MAP2K5: variants seen among roughly 807,000 people sequenced by gnomAD.
MAP2K5 encodes dual specificity mitogen-activated protein kinase kinase 5.
A neutral mutation model predicts 83.1 loss-of-function variants in MAP2K5; 49 were observed. The observed-to-expected ratio is 0.59, with a 90% confidence interval of 0.47 to 0.75. The LOEUF is 0.75. Among genes scored for constraint, MAP2K5 ranks in the 30% least tolerant of loss-of-function variants. The probability of loss-of-function intolerance (pLI) is 0.00; values close to 1 mark genes in which losing one functional copy is unlikely to be tolerated. For synonymous variants in MAP2K5, 202 were observed against 191.8 expected (o/e 1.05, Z -0.44); for missense variants, 457 against 557.5 (o/e 0.82, Z 1.82).
chr15:67,687,450 T>C (rs1315838606), intron 13 of MAP2K5, among the ~76,000 whole-genome samples: 1 of 152,208 alleles, frequency 6.6e-6, no homozygotes, highest in African/African-American at 2.4e-5. Flanking sequence ...TAAAATCGCA[T>C]GAACAGTATT....
intron 4 of MAP2K5, among the ~76,000 whole-genome samples, chr15:67,584,395 G>T (rs1268760555): frequency 6.6e-6 from 1 of 152,188 alleles, no homozygotes; most frequent in Non-Finnish European, 1.5e-5. Flanking sequence ...GCTTACTTCA[G>T]TGGAAATATT....
At chr15:67,800,227 G>T (rs1400810425) in intron 21 of MAP2K5, among the ~76,000 whole-genome samples, 2 of 152,222 alleles carry the variant, frequency 1.3e-5, no homozygotes, top group African/African-American at 4.8e-5. Flanking sequence ...CCGGGGATTA[G>T]ATTGGTAGCT....
intron 21 of MAP2K5, among the ~76,000 whole-genome samples, chr15:67,798,986 C>T (rs547715800): frequency 6.8e-4 from 103 of 152,234 alleles, no homozygotes; most frequent in Middle Eastern, 3.4e-3. Flanking sequence ...CTGACCAACA[C>T]GGTGAAACCC....
chr15:67,566,509 C>T (rs958247026), intron 3 of MAP2K5, among the ~76,000 whole-genome samples: 3 of 152,154 alleles, frequency 2.0e-5, no homozygotes, highest in African/African-American at 7.2e-5. Flanking sequence ...GAATTCAGTA[C>T]ACCTGTGGTC....
At chr15:67,745,579 C>T (rs984686291) in intron 17 of MAP2K5, among the ~76,000 whole-genome samples, 11 of 151,992 alleles carry the variant, frequency 7.2e-5, no homozygotes, top group African/African-American at 2.2e-4. Flanking sequence ...TAAATACAGC[C>T]GAGTACATGG....
intron 16 of MAP2K5, among the ~76,000 whole-genome samples, chr15:67,726,511 G>GA (rs2089099879): frequency 6.6e-6 from 1 of 152,182 alleles, no homozygotes; most frequent in African/African-American, 2.4e-5. Context: ...TCTGTTAATT[G>GA]AAATAATTCT....
chr15:67,701,496 T>C (rs1236627850), intron 15 of MAP2K5, among the ~76,000 whole-genome samples: 1 of 152,176 alleles, frequency 6.6e-6, no homozygotes. Context: ...TTTAATGAAG[T>C]ACAGAAGCAG....
In MAP2K5 at chr15:67,638,028, AT is replaced by A. The variant is rs1164069818; in HGVS notation, c.585+7107del. On this transcript the variant is annotated intron_variant, in intron 9 of 21. Transcript: ENST00000178640. This position sits in a 1 kb window ranked among gnomAD's most constrained non-coding sequence, Gnocchi z 4.5. ...TTTTTTTAACTTTTTTTTACTTTTA[AT>A]TTTTTAAAAATTAAAAAAGTTAATT... Among the ~76,000 whole-genome samples, 6 of 148,102 alleles carry A rather than the reference AT, an allele frequency of 4.1e-5. No individual in the cohort carries two copies. The highest frequency in any genetic ancestry group is 1.5e-4 in the African/African-American group (6 of 40,086).
intron 19 of MAP2K5, among the ~76,000 whole-genome samples, chr15:67,753,533 A>T (rs1370445685): frequency 6.6e-6 from 1 of 152,226 alleles, no homozygotes; most frequent in African/African-American, 2.4e-5. Flanking sequence ...TGGGGAGAGG[A>T]TTTAAATAGA....
At chr15:67,670,720 C>A (rs12900208) in intron 13 of MAP2K5, among the ~76,000 whole-genome samples, 11 of 151,662 alleles carry the variant, frequency 7.3e-5, no homozygotes, top group East Asian at 5.8e-4. Flanking sequence ...CCAACCCCCC[C>A]ACCCCAAGAA....
chr15:67,711,382 A>G (rs1428732864), intron 16 of MAP2K5, among the ~76,000 whole-genome samples: 1 of 152,236 alleles, frequency 6.6e-6, no homozygotes, highest in African/African-American at 2.4e-5. Context: ...TTTGAATTCC[A>G]CTTCAGCCAG....
intron 8 of MAP2K5, among the ~76,000 whole-genome samples, chr15:67,619,927 A>G (rs561844372): frequency 3.5e-4 from 53 of 152,292 alleles, no homozygotes; most frequent in African/African-American, 1.2e-3. Context: ...AAATTTAGCT[A>G]GGCATGGTGG....
At chr15:67,623,497 A>G (rs777716452) in intron 8 of MAP2K5, among the ~76,000 whole-genome samples, 1 of 152,150 alleles carries the variant, frequency 6.6e-6, no homozygotes, top group Non-Finnish European at 1.5e-5. Flanking sequence ...TTTGTAGAGC[A>G]TATAGTCTAA....
chr15:67,695,121 A>T (rs1197246204), intron 15 of MAP2K5, among the ~76,000 whole-genome samples: 1 of 90,522 alleles, frequency 1.1e-5, no homozygotes. Context: ...GGTTGGGGGG[A>T]GGGGGGAGGG....
chr15:67,678,962 C>CAAAAA (rs35828534), intron 13 of MAP2K5, among the ~76,000 whole-genome samples: 12 of 115,882 alleles, frequency 1.0e-4, no homozygotes, highest in Admixed American at 5.0e-4. Flanking sequence ...CACTGCATCT[C>CAAAAA]AAAAAAAAAA....
At position 67,587,067 on chromosome 15, in the gene MAP2K5, A is replaced by G. The variant is rs906543382; in HGVS notation, c.431+154A>G. On this transcript the variant is annotated intron_variant, in intron 6 of 21. Coordinates refer to ENST00000178640, the MANE Select transcript of MAP2K5 (RefSeq NM_145160.3). This position sits in a 1 kb window ranked among gnomAD's most constrained non-coding sequence, Gnocchi z 4.8. ...ACCTCATATGGAAAGATGAATGTTT[A>G]GATTTAGACTGGGTGCTGAGAAGGC... 7.2e-5 allele frequency among the ~76,000 whole-genome samples: 11 copies of G among 152,330 alleles called. No individual in the cohort carries two copies. The highest frequency in any genetic ancestry group is 2.1e-4 in the South Asian group (1 of 4,824).
Position 67,755,998 on chromosome 15 carries a change from G to C in MAP2K5, c.1134+7397G>C, listed in dbSNP as rs977513715. On this transcript the variant is annotated intron_variant, in intron 19 of 21. Coordinates refer to ENST00000178640, the MANE Select transcript of MAP2K5 (RefSeq NM_145160.3). The surrounding 1 kb of genome is among the most constrained non-coding windows in gnomAD (Gnocchi z 4.7). Reference sequence around the variant, plus strand: ...CCCACATCCTCACTGTGGCATTCCCGTTGATCCCCATTTTTCAGCTACAAA... The same window carrying C: ...CCCACATCCTCACTGTGGCATTCCCCTTGATCCCCATTTTTCAGCTACAAA... 1.1e-4 allele frequency among the ~76,000 whole-genome samples: 17 copies of C among 152,032 alleles called. No homozygotes were observed. The highest frequency in any genetic ancestry group is 3.1e-4 in the African/African-American group (13 of 41,394).
chr15:67,765,692 A>C (rs2090029331), intron 19 of MAP2K5, among the ~76,000 whole-genome samples: 1 of 152,150 alleles, frequency 6.6e-6, no homozygotes, highest in Admixed American at 6.5e-5. Context: ...AACTAGTAGC[A>C]GCTGTGGTTG....
intron 17 of MAP2K5, among the ~76,000 whole-genome samples, chr15:67,741,146 T>C (rs895014242): frequency 5.3e-5 from 8 of 151,358 alleles, no homozygotes; most frequent in African/African-American, 1.9e-4. Context: ...TGTGTTCAGG[T>C]GTGGGTGTCA....
Sources: allele counts gnomAD v4.1 joint callset (sites outside exome capture counted in the v4.1 genomes callset), GRCh38; gene constraint gnomAD v4.1.1; non-coding constraint Gnocchi (gnomAD v3.1); transcripts MANE v1.5; gene names NCBI Gene and HGNC (gene_info 2026-07-23, HGNC 2026-07-21).